PDZRN4: variants seen among roughly 807,000 people sequenced by gnomAD.
The protein encoded by PDZRN4 is PDZ domain-containing RING finger protein 4.
PDZRN4 carries 70 observed loss-of-function variants against 99.0 expected under a neutral mutation model. The observed-to-expected ratio is 0.71, with a 90% CI of 0.58 to 0.86. The LOEUF (loss-of-function observed/expected upper bound fraction) is 0.86. PDZRN4 is among the 40% of genes least tolerant of loss of function. The pLI is 0.00. For synonymous variants in PDZRN4, 551 were observed against 501.6 expected, an observed-to-expected ratio of 1.10 and a Z score of -1.32; for missense variants, 1,474 against 1,331.2, an observed-to-expected ratio of 1.11 and a Z score of -1.67.
At chr12:41,552,420 A>G (rs190292043) in intron 5 of PDZRN4, among the ~76,000 whole-genome samples, 4 of 152,166 alleles carry the variant, frequency 2.6e-5, no homozygotes, top group Non-Finnish European at 5.9e-5. Context: ...CTTGATGCAA[A>G]CAACTGTGTA....
chr12:41,385,587 C>T (rs1054596027), intron 3 of PDZRN4, among the ~76,000 whole-genome samples: 1 of 152,116 alleles, frequency 6.6e-6, no homozygotes, highest in African/African-American at 2.4e-5. Context: ...TTAGTAAATT[C>T]CTGGGCACAT....
intron 5 of PDZRN4, among the ~76,000 whole-genome samples, chr12:41,549,481 T>A (rs1019054054): frequency 6.6e-6 from 1 of 152,216 alleles, no homozygotes; most frequent in Non-Finnish European, 1.5e-5. Context: ...TATGTTTCTG[T>A]GTTTTAATAT....
intron 3 of PDZRN4, among the ~76,000 whole-genome samples, chr12:41,304,193 A>T (rs1160103176): frequency 1.3e-5 from 2 of 152,216 alleles, no homozygotes; most frequent in East Asian, 3.9e-4. Context: ...TTTCGAGTTT[A>T]CAAAGTGCTT....
At chr12:41,244,318 G>T (rs60615123) in intron 3 of PDZRN4, among the ~76,000 whole-genome samples, 6,303 of 152,058 alleles carry the variant, frequency 0.041, 378 homozygotes, top group African/African-American at 0.13. Flanking sequence ...CCTTCTAACT[G>T]GTCTCTCTCC....
At chr12:41,475,919 A>G (rs1953039066) in intron 3 of PDZRN4, among the ~76,000 whole-genome samples, 1 of 152,070 alleles carries the variant, frequency 6.6e-6, no homozygotes, top group Admixed American at 6.5e-5. Flanking sequence ...GCTACTTGGT[A>G]TTTTAAGCTA....
intron 3 of PDZRN4, among the ~76,000 whole-genome samples, chr12:41,380,823 TTATA>T (rs1362528914): frequency 2.0e-5 from 3 of 152,138 alleles, no homozygotes; most frequent in Non-Finnish European, 4.4e-5. Flanking sequence ...TTATCTGGTG[TTATA>T]TATTCATATG....
chr12:41,246,506 C>T (rs7314512), intron 3 of PDZRN4, among the ~76,000 whole-genome samples: 1 of 151,698 alleles, frequency 6.6e-6, no homozygotes, highest in East Asian at 1.9e-4. Context: ...AAAACGTTTG[C>T]AGTTTGTTGC....
At chr12:41,212,850 G>T (rs2120702139) in intron 3 of PDZRN4, among the ~76,000 whole-genome samples, 1 of 152,108 alleles carries the variant, frequency 6.6e-6, no homozygotes, top group East Asian at 1.9e-4. Context: ...TGAGGACAAA[G>T]CTTTTTAAAG....
At chr12:41,473,018 A>G (rs1300951416) in intron 3 of PDZRN4, among the ~76,000 whole-genome samples, 3 of 152,182 alleles carry the variant, frequency 2.0e-5, no homozygotes, top group Admixed American at 2.0e-4. Context: ...ATGCAAATAC[A>G]CTTTATTTCA....
intron 3 of PDZRN4, among the ~76,000 whole-genome samples, chr12:41,502,249 G>A (rs1938124422): frequency 1.3e-5 from 2 of 152,000 alleles, no homozygotes; most frequent in South Asian, 2.1e-4. Flanking sequence ...TAGTTGCCCG[G>A]TTACAATGGA....
intron 3 of PDZRN4, chr12:41,459,901 T>C (rs1162195696): frequency 1.8e-5 from 22 of 1,230,994 alleles, no homozygotes; most frequent in Non-Finnish European, 2.2e-5. Flanking sequence ...TCTAGAACAA[T>C]TACAGCTTTA....
chr12:41,298,854 G>T (rs1951512836), intron 3 of PDZRN4, among the ~76,000 whole-genome samples: 1 of 152,076 alleles, frequency 6.6e-6, no homozygotes, highest in Non-Finnish European at 1.5e-5. Flanking sequence ...CTTTGAGAAA[G>T]CAACATATAC....
intron 3 of PDZRN4, among the ~76,000 whole-genome samples, chr12:41,263,224 C>A (rs928065976): frequency 1.3e-5 from 2 of 151,982 alleles, no homozygotes; most frequent in Admixed American, 6.6e-5. Context: ...ACTGATAAAG[C>A]CTTTTTATCA....
chr12:41,484,403 T>C (rs1250999723), intron 3 of PDZRN4, among the ~76,000 whole-genome samples: 1 of 152,186 alleles, frequency 6.6e-6, no homozygotes, highest in African/African-American at 2.4e-5. Context: ...GTTAGTAAAG[T>C]CACTAAGAGT....
At chr12:41,404,293 A>C (rs2120358534) in intron 3 of PDZRN4, among the ~76,000 whole-genome samples, 1 of 152,286 alleles carries the variant, frequency 6.6e-6, no homozygotes, top group Non-Finnish European at 1.5e-5. Flanking sequence ...CATCTATGAG[A>C]GAGTGTGAAA....
intron 3 of PDZRN4, among the ~76,000 whole-genome samples, chr12:41,213,690 C>A (rs1035729880): frequency 6.6e-6 from 1 of 152,036 alleles, no homozygotes; most frequent in Admixed American, 6.6e-5. Flanking sequence ...TAAGTGATGT[C>A]CTGATGACAA....
At chr12:41,191,402 T>G in intron 1 of PDZRN4, 56 bp from the exon 2 acceptor site, 1 of 854,376 alleles carries the variant, frequency 1.2e-6, no homozygotes, top group Non-Finnish European at 1.9e-6. Context: ...TATTGTAGGA[T>G]TTATTTTTCT....
At chr12:41,506,416 T>A (rs763868645) in intron 3 of PDZRN4, 40 bp from the exon 4 acceptor site, 1 of 1,551,822 alleles carries the variant, frequency 6.4e-7, no homozygotes, top group Non-Finnish European at 8.7e-7. Context: ...GCCTCTCTGA[T>A]CTTTCCTCTG....
intron 3 of PDZRN4, among the ~76,000 whole-genome samples, chr12:41,321,594 A>G (rs1226325861): frequency 6.6e-6 from 1 of 152,140 alleles, no homozygotes; most frequent in East Asian, 1.9e-4. Flanking sequence ...CTTTTTGTTC[A>G]TAATCTATTT....
Sources: allele counts gnomAD v4.1 joint callset (sites outside exome capture counted in the v4.1 genomes callset), GRCh38; gene constraint gnomAD v4.1.1; transcripts MANE v1.5; gene names NCBI Gene and HGNC (gene_info 2026-07-23, HGNC 2026-07-21).